The following SBF2 variants were observed in gnomAD, a reference collection of about 807,000 sequenced individuals.
SBF2 encodes the protein SET binding factor 2.
Under a neutral mutation model 225.2 loss-of-function variants are expected in SBF2, and 112 were observed. The observed-to-expected ratio is 0.50, with a 90% CI of 0.43 to 0.58. The LOEUF (loss-of-function observed/expected upper bound fraction) is 0.58, where lower values mean the gene tolerates loss of function less well. SBF2 is among the 20% of genes least tolerant of loss of function. The pLI is 0.00. For missense variants in SBF2, 1,996 were observed against 2,206.2 expected, an observed-to-expected ratio of 0.90 and a Z score of 1.91; for synonymous variants, 763 against 773.3, an observed-to-expected ratio of 0.99 and a Z score of 0.22.
At position 9,816,952 on chromosome 11, in the gene SBF2, C is replaced by A. The variant is rs757836523; in HGVS notation, c.3866G>T (p.Arg1289Leu). The A allele has an allele frequency of 6.8e-6, 11 of 1,614,002 alleles. No homozygotes were observed. In the African/African-American group the frequency reaches 1.3e-4, roughly 20 times the overall value. Reference sequence around the variant, plus strand: ...GGCCGAGTGATCCTTGCCTGCCAGCCGGGCGCCAACATCAATGAAGGATGT... The same window carrying A: ...GGCCGAGTGATCCTTGCCTGCCAGCAGGGCGCCAACATCAATGAAGGATGT... ...SPTSFIDVGA[R>L]LAGKDHSASF... Residue 1289 changes from arginine (R) to leucine (L), a missense_variant, in exon 29 of 40, where the codon CGG becomes CTG. Transcript: ENST00000256190.
chr11:9,857,200 A>G (rs1458769992), intron 18 of SBF2, among the ~76,000 whole-genome samples: 1 of 152,198 alleles, frequency 6.6e-6, no homozygotes, highest in Non-Finnish European at 1.5e-5. Context: ...CCCAGATCCA[A>G]CAGGCCTTGA....
intron 17 of SBF2, among the ~76,000 whole-genome samples, chr11:9,882,604 C>T (rs7480587): frequency 0.064 from 9,711 of 151,838 alleles, 402 homozygotes; most frequent in South Asian, 0.1. Flanking sequence ...GTCAGGAGAT[C>T]GAGACCATCC....
chr11:9,981,024 G>A (rs1444930847), intron 13 of SBF2, among the ~76,000 whole-genome samples: 4 of 152,112 alleles, frequency 2.6e-5, no homozygotes, highest in Non-Finnish European at 5.9e-5. Context: ...TTAAAACTCA[G>A]AAATAATGGA....
rs544523897 is a variant in SBF2, at chr11:10,060,757, G to A, written c.142-17776C>T. On this transcript the variant is annotated intron_variant, in intron 2 of 39. Coordinates refer to ENST00000256190, the MANE Select transcript of SBF2 (RefSeq NM_030962.4). ...AAAATCTGTAAACGTGGCCAGGTGC[G>A]GTGGCTCATGCCTGTAATCCCAGCA... Among the ~76,000 whole-genome samples, 13 of 152,218 alleles carry A rather than the reference G, an allele frequency of 8.5e-5. No individual in the cohort carries two copies. The South Asian group carries it at 1.5e-3, about 17-fold the overall frequency.
At chr11:10,292,925 C>T in intron 1 of SBF2, among the ~76,000 whole-genome samples, 1 of 151,952 alleles carries the variant, frequency 6.6e-6, no homozygotes, top group Non-Finnish European at 1.5e-5. Flanking sequence ...TGAAAGGTTC[C>T]CACTAAAGGA....
At chr11:10,292,903 G>A (rs1452015237) in intron 1 of SBF2, among the ~76,000 whole-genome samples, 2 of 152,164 alleles carry the variant, frequency 1.3e-5, no homozygotes, top group African/African-American at 4.8e-5. Flanking sequence ...ACTGGTGAAA[G>A]AGAAAAGAAC....
At chr11:10,192,791 T>C (rs1957223868) in intron 2 of SBF2, among the ~76,000 whole-genome samples, 1 of 152,184 alleles carries the variant, frequency 6.6e-6, no homozygotes, top group African/African-American at 2.4e-5. Context: ...CCAAATGTCC[T>C]CTCAACAGGA....
intron 1 of SBF2, among the ~76,000 whole-genome samples, chr11:10,257,560 A>C (rs528217637): frequency 3.3e-5 from 5 of 151,776 alleles, no homozygotes; most frequent in Non-Finnish European, 7.4e-5. Context: ...AGCTACTCAG[A>C]AGGCTAAGGT....
chr11:10,172,252 T>A (rs1956227955), intron 2 of SBF2, among the ~76,000 whole-genome samples: 2 of 152,210 alleles, frequency 1.3e-5, no homozygotes, highest in South Asian at 2.1e-4. Context: ...TTTCTTCTTT[T>A]TTGATGTAGG....
At chr11:10,002,722 A>T (rs752597132) in intron 6 of SBF2, 33 bp from the exon 7 acceptor site, 1 of 1,600,164 alleles carries the variant, frequency 6.2e-7, no homozygotes, top group Non-Finnish European at 8.6e-7. Context: ...TTACAAATGC[A>T]TTTAATTTTA....
chr11:10,236,764 G>T (rs547491750), intron 1 of SBF2, among the ~76,000 whole-genome samples: 2 of 152,080 alleles, frequency 1.3e-5, no homozygotes, highest in Non-Finnish European at 2.9e-5. Flanking sequence ...GCCCAGACTC[G>T]AGTCTGTCTC....
chr11:9,828,369 G>C, intron 28 of SBF2: 1 of 1,154,646 alleles, frequency 8.7e-7, no homozygotes, highest in Non-Finnish European at 1.1e-6. Context: ...AGATAACAAG[G>C]CAATGTTATT....
intron 14 of SBF2, among the ~76,000 whole-genome samples, chr11:9,965,579 C>T (rs186453880): frequency 5.5e-4 from 84 of 152,216 alleles, no homozygotes; most frequent in Admixed American, 8.5e-4. Context: ...TGAGCCACCG[C>T]GCCCAGCCTT....
intron 16 of SBF2, among the ~76,000 whole-genome samples, chr11:9,956,177 T>C (rs1170632015): frequency 1.3e-5 from 2 of 152,206 alleles, no homozygotes; most frequent in African/African-American, 4.8e-5. Context: ...TTGGTTGGCA[T>C]ATGAGTCATT....
chr11:9,856,366 A>C (rs1456712094), intron 19 of SBF2, 92 bp downstream of exon 19: 2 of 1,475,002 alleles, frequency 1.4e-6, no homozygotes, highest in East Asian at 2.3e-5. Context: ...TATGTACAGC[A>C]GTATTTGCTC....
At chr11:10,201,563 A>AT (rs1256933268) in intron 1 of SBF2, among the ~76,000 whole-genome samples, 6 of 152,318 alleles carry the variant, frequency 3.9e-5, no homozygotes, top group South Asian at 2.1e-4. Context: ...TTTTGTGGTT[A>AT]TTTAAAAATT....
At chr11:10,030,177 TAA>T (rs1411971362) in intron 4 of SBF2, among the ~76,000 whole-genome samples, 3 of 152,204 alleles carry the variant, frequency 2.0e-5, no homozygotes, top group Admixed American at 2.0e-4. Flanking sequence ...TGCCTCAACT[TAA>T]GTCTGTTAAA....
chr11:10,287,903 TAC>T (rs1963904329), intron 1 of SBF2, among the ~76,000 whole-genome samples: 1 of 152,202 alleles, frequency 6.6e-6, no homozygotes, highest in African/African-American at 2.4e-5. Flanking sequence ...TAAGCGAGCG[TAC>T]AGTCTGGCCA....
chr11:10,021,772 G>A (rs1458040081), intron 6 of SBF2, among the ~76,000 whole-genome samples: 2 of 152,138 alleles, frequency 1.3e-5, no homozygotes, highest in Admixed American at 1.3e-4. Flanking sequence ...AACCCAGCTC[G>A]TGAACTCTGA....
Sources: gnomAD v4.1 joint callset for allele counts (sites outside exome capture counted in the v4.1 genomes callset) on GRCh38, gnomAD v4.1.1 for gene constraint, MANE v1.5 for transcripts, NCBI Gene and HGNC (gene_info 2026-07-23, HGNC 2026-07-21) for gene names.